The following STAMBP variants were observed in gnomAD, a reference collection of about 807,000 sequenced individuals.
The protein encoded by STAMBP is STAM binding protein.
STAMBP carries 31 observed loss-of-function variants against 50.7 expected under a neutral mutation model. That is an observed-to-expected ratio of 0.61 (90% confidence interval 0.46 to 0.83). The LOEUF (loss-of-function observed/expected upper bound fraction) is 0.83. STAMBP is among the 40% of genes least tolerant of loss of function. The probability of loss-of-function intolerance (pLI) is 0.00; values close to 1 mark genes in which losing one functional copy is unlikely to be tolerated. For synonymous variants in STAMBP, 211 were observed against 192.4 expected, an observed-to-expected ratio of 1.10 and a Z score of -0.80; for missense variants, 472 against 518.9, an observed-to-expected ratio of 0.91 and a Z score of 0.88.
intron 7 of STAMBP, among the ~76,000 whole-genome samples, chr2:73,856,817 C>G (rs1183438298): frequency 1.3e-5 from 2 of 152,198 alleles, no homozygotes; most frequent in Non-Finnish European, 2.9e-5. Flanking sequence ...TGTCTCCACT[C>G]CTACTGTCTG....
intron 6 of STAMBP, among the ~76,000 whole-genome samples, chr2:73,849,902 T>C (rs1018185165): frequency 2.0e-5 from 3 of 152,082 alleles, no homozygotes; most frequent in African/African-American, 7.2e-5. Flanking sequence ...AGTATAAGTA[T>C]TGGGAATTTT....
chr2:73,847,639 A>G lies in STAMBP; in HGVS notation c.628A>G (p.Thr210Ala). 6.2e-7 allele frequency: 1 copy of G among 1,614,208 alleles called. No homozygotes were observed. The highest frequency in any genetic ancestry group is 8.5e-7 in the Non-Finnish European group (1 of 1,180,040). ...LEKPSLDVFPTLTVSSIQPSD... is the reference protein window; with the variant it reads ...LEKPSLDVFPALTVSSIQPSD... ...GAAGCCCTCCTTAGATGTGTTCCCCACCTTAACAGTCTCATCCATACAGCC... is the reference window on the plus strand; with the variant it reads ...GAAGCCCTCCTTAGATGTGTTCCCCGCCTTAACAGTCTCATCCATACAGCC... Residue 210 changes from threonine (T) to alanine (A), a missense_variant, in exon 5 of 10, where the codon ACC becomes GCC. Transcript: ENST00000394070.
downstream of STAMBP, among the ~76,000 whole-genome samples, chr2:73,869,155 G>A (rs147677004): frequency 2.7e-3 from 405 of 152,238 alleles, 3 homozygotes; most frequent in African/African-American, 9.1e-3. Context: ...AAAATGGTCA[G>A]ACCTATTAAG....
intron 3 of STAMBP, 24 bp downstream of exon 3, chr2:73,844,912 C>G: frequency 6.8e-6 from 11 of 1,611,416 alleles, no homozygotes; most frequent in Non-Finnish European, 9.3e-6. Flanking sequence ...TTCATTGTTG[C>G]CCATCTAAAA....
intron 2 of STAMBP, among the ~76,000 whole-genome samples, chr2:73,839,084 C>G (rs1357111192): frequency 6.6e-6 from 1 of 152,200 alleles, no homozygotes; most frequent in Non-Finnish European, 1.5e-5. Flanking sequence ...TCTGCCTCCC[C>G]TACTACTGAG....
Position 73,850,224 on chromosome 2 carries a change from G to A in STAMBP, c.868-152G>A. 1 of 1,011,736 alleles carries A rather than the reference G, an allele frequency of 9.9e-7. No homozygotes were observed. Among genetic ancestry groups the A allele is most frequent in the Non-Finnish European group, 1.4e-6 (1 of 696,720 alleles). The allele number at this position is 1,011,736 out of a possible 1,614,324, so 62.7% of individuals were successfully genotyped here. On this transcript the variant is annotated intron_variant, in intron 6 of 9. Transcript: ENST00000394070. This position sits in a 1 kb window ranked among gnomAD's most constrained non-coding sequence, Gnocchi z 4.3. ...GTACCCCAGGCAATGTGCATCAGCA[G>A]CCAAGGTTGTGAACCACTGAGTGGC...
downstream of STAMBP, chr2:73,870,238 TAGC>T (rs1167764774): frequency 6.6e-6 from 1 of 152,342 alleles, no homozygotes; most frequent in South Asian, 2.1e-4. Context: ...CTCTTGGGCG[TAGC>T]AGCAGAGGCA....
chr2:73,871,271 T>A (rs1679187615), downstream of STAMBP, among the ~76,000 whole-genome samples: 1 of 152,012 alleles, frequency 6.6e-6, no homozygotes, highest in South Asian at 2.1e-4. Context: ...CGGCCGGGCG[T>A]GGTGGCTCAT....
chr2:73,859,485 A>T (rs1678022257), intron 8 of STAMBP, 119 bp downstream of exon 8: 1 of 789,656 alleles, frequency 1.3e-6, no homozygotes, highest in Admixed American at 2.0e-5. Flanking sequence ...ATTATAATGT[A>T]AGTTGGTTAT....
chr2:73,848,509 C>T (rs1336159165), intron 5 of STAMBP, among the ~76,000 whole-genome samples: 1 of 152,168 alleles, frequency 6.6e-6, no homozygotes, highest in Non-Finnish European at 1.5e-5. Context: ...GATGAATGGG[C>T]AGTGTCTTAG....
intron 2 of STAMBP, among the ~76,000 whole-genome samples, chr2:73,834,814 T>C (rs1460646681): frequency 6.6e-6 from 1 of 152,182 alleles, no homozygotes; most frequent in Non-Finnish European, 1.5e-5. Flanking sequence ...GGCAGAGCAT[T>C]AAAACACAGG....
At chr2:73,871,746 A>AT (rs1679207957), downstream of STAMBP, among the ~76,000 whole-genome samples, 1 of 152,064 alleles carries the variant, frequency 6.6e-6, no homozygotes. Flanking sequence ...GTTATAGCCT[A>AT]TTGCCTTGGT....
intron 7 of STAMBP, among the ~76,000 whole-genome samples, chr2:73,857,874 T>G (rs891455992): frequency 1.3e-5 from 2 of 152,098 alleles, no homozygotes; most frequent in Admixed American, 6.6e-5. Flanking sequence ...CTGGGGACAA[T>G]GCAATCTAAG....
At position 73,847,444 on chromosome 2, in the gene STAMBP, G is replaced by A; in HGVS notation, c.433G>A (p.Glu145Lys). 3 of 1,613,872 alleles carry A rather than the reference G, an allele frequency of 1.9e-6. No homozygotes were observed. The stretch of plus-strand genomic sequence containing the variant: ...GGCCATCCAGCAAGAGCTGGAAAAG[G>A]AAAAACAGAGGGTAGCACAACAGAA... ...NMAIQQELEKEKQRVAQQKQQ... is the reference protein window; with the variant it reads ...NMAIQQELEKKKQRVAQQKQQ... The change falls in exon 5 of 10, where the codon GAA becomes AAA. Residue 145 changes from glutamate to lysine, a missense_variant. Coordinates refer to ENST00000394070, the MANE Select transcript of STAMBP (RefSeq NM_213622.4).
intron 2 of STAMBP, among the ~76,000 whole-genome samples, chr2:73,834,514 A>G (rs1292950965): frequency 1.3e-5 from 2 of 151,938 alleles, no homozygotes; most frequent in South Asian, 2.1e-4. Context: ...GAAGGTCTTC[A>G]TCCTCGTCAT....
intron 2 of STAMBP, among the ~76,000 whole-genome samples, chr2:73,838,997 A>G (rs1675052188): frequency 6.6e-6 from 1 of 152,204 alleles, no homozygotes; most frequent in South Asian, 2.1e-4. Flanking sequence ...ATTCCTATCA[A>G]TAACAGTGGC....
intron 10 of STAMBP, among the ~76,000 whole-genome samples, chr2:73,872,431 C>T (rs1456082445): frequency 1.3e-5 from 2 of 152,212 alleles, no homozygotes; most frequent in African/African-American, 2.4e-5. Flanking sequence ...GGTCGCACAT[C>T]CAGGCTGTGG....
chr2:73,847,052 A>G (rs1283434053), intron 4 of STAMBP, among the ~76,000 whole-genome samples: 1 of 149,680 alleles, frequency 6.7e-6, no homozygotes, highest in Non-Finnish European at 1.5e-5. Context: ...ATTGCACTTC[A>G]GCCTGGGAAA....
chr2:73,860,008 G>A (rs1313472455), intron 8 of STAMBP, 44 bp from the exon 9 acceptor site: 8 of 1,444,930 alleles, frequency 5.5e-6, no homozygotes, highest in Non-Finnish European at 7.7e-6. Context: ...TGGGATGGAG[G>A]GACACCTTTG....
Sources: gnomAD v4.1 joint callset for allele counts (sites outside exome capture counted in the v4.1 genomes callset) on GRCh38, gnomAD v4.1.1 for gene constraint, Gnocchi (gnomAD v3.1) non-coding constraint, MANE v1.5 for transcripts, NCBI Gene and HGNC (gene_info 2026-07-23, HGNC 2026-07-21) for gene names.